RBPMS: variants seen among roughly 807,000 people sequenced by gnomAD.
RBPMS encodes RNA-binding protein with multiple splicing.
In RBPMS, 7 loss-of-function variants were observed where a neutral mutation model predicts 26.8. The ratio of observed to expected loss-of-function variants is 0.26; its 90% CI spans 0.15 to 0.49. The LOEUF (loss-of-function observed/expected upper bound fraction) is 0.49. Ranked by LOEUF, RBPMS falls within the 20% of genes least tolerant of loss-of-function variation. RBPMS has a pLI of 0.98. For missense variants in RBPMS, 186 were observed against 250.0 expected (o/e 0.74, Z 1.73); for synonymous variants, 96 against 93.3 (o/e 1.03, Z -0.17).
chr8:30,385,178 G>A lies in RBPMS; in HGVS notation c.66+20G>A. Reference sequence around the variant, plus strand: ...GAGGAGGTACTGGGCGGCTCGGTGTGGTGGCGGGGGCGACGCGGGACCCAG... The same window carrying A: ...GAGGAGGTACTGGGCGGCTCGGTGTAGTGGCGGGGGCGACGCGGGACCCAG... On this transcript the variant is annotated intron_variant, in intron 1 of 8. Transcript: ENST00000397323. 6.8e-7 allele frequency: 1 copy of A among 1,461,998 alleles called. No homozygotes were observed. The highest frequency in any genetic ancestry group is 9.1e-7 in the Non-Finnish European group (1 of 1,102,906). The allele number at this position is 1,461,998 out of a possible 1,614,324, so 90.6% of individuals were successfully genotyped here.
chr8:30,485,341 A>G (rs1256510382), intron 4 of RBPMS, among the ~76,000 whole-genome samples: 3 of 152,030 alleles, frequency 2.0e-5, no homozygotes, highest in Non-Finnish European at 2.9e-5. Context: ...CACTATATCA[A>G]TATGTTTCTT....
intron 1 of RBPMS, among the ~76,000 whole-genome samples, chr8:30,395,486 A>C (rs1224845588): frequency 1.6e-5 from 2 of 123,776 alleles, no homozygotes; most frequent in Non-Finnish European, 3.2e-5. Flanking sequence ...AAAAAAAAAA[A>C]AAGACCAGGT....
intron 5 of RBPMS, among the ~76,000 whole-genome samples, chr8:30,529,528 CAAA>C (rs140510058): frequency 0.028 from 4,262 of 150,876 alleles, 206 homozygotes; most frequent in African/African-American, 0.097. Flanking sequence ...CAAAACAAAA[CAAA>C]AAAACAACTC....
chr8:30,441,224 A>G (rs1813039695), intron 1 of RBPMS, among the ~76,000 whole-genome samples: 1 of 152,182 alleles, frequency 6.6e-6, no homozygotes, highest in South Asian at 2.1e-4. Flanking sequence ...TTTGTGTGCG[A>G]TCTGCAAAGG....
At chr8:30,408,626 G>C (rs1398586721) in intron 1 of RBPMS, among the ~76,000 whole-genome samples, 2 of 152,212 alleles carry the variant, frequency 1.3e-5, no homozygotes, top group Non-Finnish European at 2.9e-5. Flanking sequence ...GTGTGTGAAA[G>C]TGTTCTGAAG....
chr8:30,389,978 G>T (rs1031366965), intron 1 of RBPMS, among the ~76,000 whole-genome samples: 8 of 152,096 alleles, frequency 5.3e-5, no homozygotes, highest in African/African-American at 1.7e-4. Context: ...ACATTCTGAA[G>T]ACTATATTTT....
rs571132454 is a variant in RBPMS at position 30,384,619 on chromosome 8, C to G, written c.-474C>G. ...GCGGCCCGCGCTCCTCCGCCCCGCT[C>G]CTCCTCCTCCTCTTCCTCCTCCTCC... On this transcript the variant is annotated 5_prime_UTR_variant, in exon 1 of 9. Coordinates refer to ENST00000397323, the MANE Select transcript of RBPMS (RefSeq NM_001008710.3). The surrounding 1 kb of genome is among the most constrained non-coding windows in gnomAD (Gnocchi z 5.6). 6.3e-6 allele frequency: 1 copy of G among 158,006 alleles called. No individual in the cohort carries two copies. Among genetic ancestry groups the G allele is most frequent in the Admixed American group, 6.5e-5 (1 of 15,304 alleles). 9.8% of individuals were successfully genotyped at this position (158,006 alleles called of 1,614,324 possible).
intron 1 of RBPMS, among the ~76,000 whole-genome samples, chr8:30,456,571 TG>T (rs1477009393): frequency 6.6e-6 from 1 of 152,240 alleles, no homozygotes; most frequent in Non-Finnish European, 1.5e-5. Flanking sequence ...GATGAGAGTT[TG>T]TATTTTATTA....
chr8:30,530,888 A>AT (rs1824149147), intron 5 of RBPMS, among the ~76,000 whole-genome samples: 1 of 152,146 alleles, frequency 6.6e-6, no homozygotes, highest in East Asian at 1.9e-4. Flanking sequence ...GGTCACATAG[A>AT]TGGTAAGTGA....
At chr8:30,504,792 A>G (rs887404468) in intron 5 of RBPMS, among the ~76,000 whole-genome samples, 2 of 152,114 alleles carry the variant, frequency 1.3e-5, no homozygotes, top group African/African-American at 2.4e-5. Context: ...ATTTACTTTA[A>G]TCCATTTGTT....
intron 1 of RBPMS, among the ~76,000 whole-genome samples, chr8:30,431,357 C>CTCTT (rs10655066): frequency 0.76 from 112,632 of 148,050 alleles, 42,930 homozygotes; most frequent in East Asian, 0.83. Context: ...TTTTTTCTTT[C>CTCTT]TCTTTCTTTC....
At position 30,549,627 on chromosome 8, in the gene RBPMS, G is replaced by A. The variant is rs764191002; in HGVS notation, c.528+5003G>A. On this transcript the variant is annotated intron_variant, in intron 6 of 8. Coordinates refer to ENST00000397323, the MANE Select transcript of RBPMS (RefSeq NM_001008710.3). Reference sequence around the variant, plus strand: ...GCACCTGGCTTAGCTCTCACAGGAGGAGGGGCGGACGGGGAGGCCAGGCCT... The same window carrying A: ...GCACCTGGCTTAGCTCTCACAGGAGAAGGGGCGGACGGGGAGGCCAGGCCT... 8.6e-6 allele frequency: 13 copies of A among 1,508,958 alleles called. No homozygotes were observed. The South Asian group carries it at 1.3e-4, about 16-fold the overall frequency. The allele number at this position is 1,508,958 out of a possible 1,614,324, so 93.5% of individuals were successfully genotyped here.
intron 1 of RBPMS, among the ~76,000 whole-genome samples, chr8:30,466,955 C>T (rs1585564390): frequency 6.6e-6 from 1 of 152,162 alleles, no homozygotes; most frequent in East Asian, 1.9e-4. Flanking sequence ...AATGTGACCT[C>T]CTGAACCAAA....
At chr8:30,514,637 T>G (rs1352550900) in intron 5 of RBPMS, among the ~76,000 whole-genome samples, 5 of 148,026 alleles carry the variant, frequency 3.4e-5, no homozygotes, top group Non-Finnish European at 7.4e-5. Flanking sequence ...CCATCTCAGC[T>G]TTCCCAGTAG....
chr8:30,462,797 T>C (rs185112144), intron 1 of RBPMS, among the ~76,000 whole-genome samples: 1 of 152,188 alleles, frequency 6.6e-6, no homozygotes, highest in East Asian at 1.9e-4. Context: ...ATTTTCCTGA[T>C]GGGCCAAAAG....
At position 30,474,930 on chromosome 8, in the gene RBPMS, A is replaced by G. The variant is rs2150828814; in HGVS notation, c.144+74A>G. ...ATGCTTTCTGGGAGCTTTTTGAAGCAAGAAATGAAATATTTGAGAAGAAAA... is the reference window on the plus strand; with the variant it reads ...ATGCTTTCTGGGAGCTTTTTGAAGCGAGAAATGAAATATTTGAGAAGAAAA... On this transcript the variant is annotated intron_variant, in intron 2 of 8. Coordinates refer to ENST00000397323, the MANE Select transcript of RBPMS (RefSeq NM_001008710.3). 6.4e-6 allele frequency: 6 copies of G among 933,106 alleles called. No individual in the cohort carries two copies. In the South Asian group the frequency reaches 6.9e-5, roughly 11 times the overall value. The allele number at this position is 933,106 out of a possible 1,614,324, so 57.8% of individuals were successfully genotyped here.
intron 5 of RBPMS, among the ~76,000 whole-genome samples, chr8:30,512,581 T>C (rs1340948355): frequency 6.6e-6 from 1 of 151,964 alleles, no homozygotes; most frequent in African/African-American, 2.4e-5. Flanking sequence ...CTCCAACTCC[T>C]GGGCTGAAGC....
intron 5 of RBPMS, 107 bp downstream of exon 5, chr8:30,504,543 C>T (rs1820895392): frequency 1.0e-5 from 12 of 1,170,116 alleles, no homozygotes; most frequent in South Asian, 1.8e-5. Context: ...TCTTATTTTC[C>T]ATTTCTGTGA....
At chr8:30,439,776 T>C (rs562301668) in intron 1 of RBPMS, among the ~76,000 whole-genome samples, 11 of 151,984 alleles carry the variant, frequency 7.2e-5, no homozygotes, top group Non-Finnish European at 1.6e-4. Context: ...CTCAGCTTCC[T>C]GAGTAGGTAT....
Sources: allele counts gnomAD v4.1 joint callset (sites outside exome capture counted in the v4.1 genomes callset), GRCh38; gene constraint gnomAD v4.1.1; non-coding constraint Gnocchi (gnomAD v3.1); transcripts MANE v1.5; gene names NCBI Gene and HGNC (gene_info 2026-07-23, HGNC 2026-07-21).